NLN: variants seen among roughly 807,000 people sequenced by gnomAD.
NLN encodes the protein neurolysin, also known as neurolysin, mitochondrial.
NLN carries 64 observed loss-of-function variants against 79.9 expected under a neutral mutation model. The ratio of observed to expected loss-of-function variants is 0.80; its 90% confidence interval spans 0.65 to 0.99. The LOEUF (loss-of-function observed/expected upper bound fraction) is 0.99. Among genes scored for constraint, NLN ranks in the 50% least tolerant of loss-of-function variants. The pLI is 0.00. For synonymous variants in NLN, 267 were observed against 296.6 expected, an observed-to-expected ratio of 0.90 and a Z score of 1.02; for missense variants, 835 against 858.7, an observed-to-expected ratio of 0.97 and a Z score of 0.34.
chr5:65,821,829 A>G (rs538122200), intron 12 of NLN, among the ~76,000 whole-genome samples: 11 of 152,288 alleles, frequency 7.2e-5, no homozygotes, highest in Non-Finnish European at 1.6e-4. Context: ...GACTTGGTAG[A>G]TTTCATCCAT....
chr5:65,740,496 A>C (rs1444030028), intron 1 of NLN, among the ~76,000 whole-genome samples: 1 of 152,166 alleles, frequency 6.6e-6, no homozygotes, highest in Non-Finnish European at 1.5e-5. Flanking sequence ...TTTCAAAGGG[A>C]ACAAGCATTC....
chr5:65,777,411 T>C lies in NLN; in HGVS notation c.451-16T>C. 1 of 1,525,300 alleles carries C rather than the reference T, an allele frequency of 6.6e-7. No individual in the cohort carries two copies. Among genetic ancestry groups the C allele is most frequent in the East Asian group, 2.2e-5 (1 of 44,472 alleles). 94.5% of individuals were successfully genotyped at this position (1,525,300 alleles called of 1,614,324 possible). ...ACTGTTTCAACCGAAATGGTTTTCA[T>C]GCTCTTTAATTTCAGGAAACCTGTG... On this transcript the variant is annotated splice_polypyrimidine_tract_variant and intron_variant, in intron 3 of 12. Transcript: ENST00000380985.
In NLN at chr5:65,823,352, G is replaced by A. The variant is rs72768047; in HGVS notation, c.*437G>A. On this transcript the variant is annotated 3_prime_UTR_variant, in exon 13 of 13. Coordinates refer to ENST00000380985, the MANE Select transcript of NLN (RefSeq NM_020726.5). ...ACATTCTTCTGGTAAATATTTTCTTGGAGCTCTGTGTCAACTTTGATCCTT... is the reference window on the plus strand; with the variant it reads ...ACATTCTTCTGGTAAATATTTTCTTAGAGCTCTGTGTCAACTTTGATCCTT... The A allele has an allele frequency of 0.035, 5,514 of 156,828 alleles. 126 individuals carry two copies. Among genetic ancestry groups the A allele is most frequent in the East Asian group, 0.062 (328 of 5,274 alleles). 9.7% of individuals were successfully genotyped at this position (156,828 alleles called of 1,614,324 possible).
chr5:65,731,764 TTTTTC>T (rs57527660), intron 1 of NLN, among the ~76,000 whole-genome samples: 29,809 of 136,470 alleles, frequency 0.22, 3,453 homozygotes, highest in Non-Finnish European at 0.24. Context: ...TTTTTTTTTT[TTTTTC>T]AGACAGAGTC....
chr5:65,796,086 T>C (rs981089082), intron 9 of NLN, among the ~76,000 whole-genome samples: 6 of 152,200 alleles, frequency 3.9e-5, no homozygotes, highest in African/African-American at 1.4e-4. Flanking sequence ...CTCACCATAA[T>C]GAATCTCAAG....
At chr5:65,819,310 G>T (rs917175649) in intron 12 of NLN, among the ~76,000 whole-genome samples, 1 of 152,122 alleles carries the variant, frequency 6.6e-6, no homozygotes, top group African/African-American at 2.4e-5. Context: ...ACCACTCTAT[G>T]CCAGATATTA....
chr5:65,765,641 T>G lies in NLN; in HGVS notation c.450+2533T>G, dbSNP rs561804269. Among the ~76,000 whole-genome samples, 7 of 151,940 alleles carry G rather than the reference T, an allele frequency of 4.6e-5. No individual in the cohort carries two copies. In the South Asian group the frequency reaches 1.5e-3, roughly 32 times the overall value. ...GGAGGATTGCTTGTGCCCAGGAGGT[T>G]GAGACTGCACTGAGCAGTGGTTGTG... On this transcript the variant is annotated intron_variant, in intron 3 of 12. Coordinates refer to ENST00000380985, the MANE Select transcript of NLN (RefSeq NM_020726.5).
chr5:65,759,690 T>G (rs1012727848), intron 2 of NLN, among the ~76,000 whole-genome samples: 1 of 152,140 alleles, frequency 6.6e-6, no homozygotes, highest in Non-Finnish European at 1.5e-5. Context: ...CTAAACTGTT[T>G]GGATTTTGGC....
chr5:65,807,597 T>G (rs143210840), intron 9 of NLN, among the ~76,000 whole-genome samples: 2,097 of 152,094 alleles, frequency 0.014, 50 homozygotes, highest in African/African-American at 0.049. Flanking sequence ...CCCGCCACCA[T>G]GCCTGGCTAA....
Position 65,806,674 on chromosome 5 carries a change from C to T in NLN, c.1528-2841C>T, listed in dbSNP as rs140301938. ...CTCCTGGTGAAGATGCTATGAATAT[C>T]GTTGAAATGACTGACCACGAAGGAT... On this transcript the variant is annotated intron_variant, in intron 9 of 12. Coordinates refer to ENST00000380985, the MANE Select transcript of NLN (RefSeq NM_020726.5). Among the ~76,000 whole-genome samples the T allele has an allele frequency of 2.0e-3, 306 of 152,232 alleles. 1 individual carries two copies. Among genetic ancestry groups the T allele is most frequent in the African/African-American group, 6.9e-3 (287 of 41,520 alleles).
Position 65,763,111 on chromosome 5 carries a change from A to T in NLN, c.450+3A>T. 6.2e-7 allele frequency: 1 copy of T among 1,612,552 alleles called. No individual in the cohort carries two copies. Among genetic ancestry groups the T allele is most frequent in the Non-Finnish European group, 8.5e-7 (1 of 1,178,922 alleles). ...TTGAGAGAATTGTTCATTTACAGGT[A>T]AGTGGTGTTATAAATCCCTTTAAAG... On this transcript the variant is annotated splice_donor_region_variant and intron_variant, in intron 3 of 12. Coordinates refer to ENST00000380985, the MANE Select transcript of NLN (RefSeq NM_020726.5).
At position 65,788,171 on chromosome 5, in the gene NLN, T is replaced by A. The variant is rs1579951629; in HGVS notation, c.1012T>A (p.Leu338Met). ...PLGEAEREFI[L>M]NLKKKECKDR... ...GGGTGAAGCAGAACGAGAGTTTATT[T>A]TGAATTTGAAGAAAAAGGAATGCAA... The change falls in exon 8 of 13, where the codon TTG (leucine) becomes ATG (methionine). Residue 338 changes from leucine to methionine, a missense_variant. Physicochemically the swap from Leu to Met is conservative, Grantham distance 15. Transcript: ENST00000380985. The A allele has an allele frequency of 6.2e-7, 1 of 1,614,066 alleles. No homozygotes were observed. Among genetic ancestry groups the A allele is most frequent in the East Asian group, 2.2e-5 (1 of 44,874 alleles).
intron 3 of NLN, among the ~76,000 whole-genome samples, chr5:65,767,624 C>T (rs1267447385): frequency 6.6e-6 from 1 of 152,222 alleles, no homozygotes; most frequent in Non-Finnish European, 1.5e-5. Flanking sequence ...CAAATTTCTA[C>T]AGCTGGCTTG....
intron 2 of NLN, among the ~76,000 whole-genome samples, chr5:65,760,149 C>T (rs1036967177): frequency 1.3e-5 from 2 of 152,154 alleles, no homozygotes; most frequent in African/African-American, 2.4e-5. Context: ...CCCCACTATC[C>T]CTTCATCACC....
chr5:65,801,290 G>A (rs1760281264), intron 9 of NLN, among the ~76,000 whole-genome samples: 1 of 152,084 alleles, frequency 6.6e-6, no homozygotes, highest in African/African-American at 2.4e-5. Flanking sequence ...ACTTTTTTAG[G>A]GTTCTTTGGA....
intron 6 of NLN, among the ~76,000 whole-genome samples, chr5:65,785,182 A>G (rs1224474292): frequency 6.6e-6 from 1 of 152,032 alleles, no homozygotes; most frequent in Non-Finnish European, 1.5e-5. Flanking sequence ...TATCTTTGTT[A>G]TTTACTGAGA....
chr5:65,788,971 C>CA (rs112683530), intron 8 of NLN, among the ~76,000 whole-genome samples: 32,081 of 138,148 alleles, frequency 0.23, 4,054 homozygotes, highest in African/African-American at 0.38. Context: ...GACCCTGTCT[C>CA]AAAAAAAAAA....
chr5:65,810,674 T>C (rs1298065637), intron 11 of NLN, among the ~76,000 whole-genome samples: 1 of 152,200 alleles, frequency 6.6e-6, no homozygotes, highest in Non-Finnish European at 1.5e-5. Context: ...CATCCTGTTA[T>C]GCTATCAAGA....
chr5:65,725,714 T>A (rs1485810274), intron 1 of NLN, among the ~76,000 whole-genome samples: 1 of 152,242 alleles, frequency 6.6e-6, no homozygotes, highest in East Asian at 1.9e-4. Context: ...GTTGTTTTAC[T>A]TGAAGTGACA....
Sources: gnomAD v4.1 joint callset for allele counts (sites outside exome capture counted in the v4.1 genomes callset) on GRCh38, gnomAD v4.1.1 for gene constraint, MANE v1.5 for transcripts, NCBI Gene and HGNC (gene_info 2026-07-23, HGNC 2026-07-21) for gene names.